Variants in ANKRD2 observed in about 807,000 individuals in gnomAD.
ANKRD2 encodes the protein ankyrin repeat domain-containing protein 2.
Under a neutral mutation model 37.3 loss-of-function variants are expected in ANKRD2, and 35 were observed. That is an observed-to-expected ratio of 0.94 (90% CI 0.72 to 1.24). The LOEUF is 1.24. ANKRD2 is among the 50% of genes most tolerant of loss of function. The pLI is 0.00. For missense variants in ANKRD2, 410 were observed against 445.6 expected, an observed-to-expected ratio of 0.92 and a Z score of 0.72; for synonymous variants, 159 against 186.5, an observed-to-expected ratio of 0.85 and a Z score of 1.20.
Position 97,578,484 on chromosome 10 carries a change from G to A in ANKRD2, c.349-14G>A, listed in dbSNP as rs1257754233. ...TGCTGGGACGGCCCGTGACTGCTGC[G>A]TCCACATCTGCAGACTGGCCCTGTG... On this transcript the variant is annotated splice_polypyrimidine_tract_variant and intron_variant, in intron 3 of 8. Coordinates refer to ENST00000370655, the MANE Select transcript of ANKRD2 (RefSeq NM_001346793.2). The A allele has an allele frequency of 7.5e-6, 12 of 1,590,888 alleles. No homozygotes were observed. The highest frequency in any genetic ancestry group is 3.6e-5 in the Admixed American group (2 of 55,502).
chr10:97,572,636 C>T, upstream of ANKRD2: 1 of 1,513,564 alleles, frequency 6.6e-7, no homozygotes, highest in Non-Finnish European at 8.9e-7. Flanking sequence ...CTGGCTCCCC[C>T]TGCTCCCTGG....
At chr10:97,582,546 C>T (rs930657384) in intron 7 of ANKRD2, 58 bp from the exon 8 acceptor site, 72 of 1,584,400 alleles carry the variant, frequency 4.5e-5, no homozygotes, top group Non-Finnish European at 5.7e-5. Flanking sequence ...CACCTCCCAT[C>T]ACCCTTGCCT....
chr10:97,578,144 G>GGCCCCCCCCCCCC, intron 2 of ANKRD2, 96 bp from the exon 3 acceptor site: 5 of 685,436 alleles, frequency 7.3e-6, no homozygotes, highest in East Asian at 2.7e-5. Flanking sequence ...GGGTCTTCCT[G>GGCCCCCCCCCCCC]CCCACCCCAC....
chr10:97,582,782 C>G, intron 8 of ANKRD2, 80 bp downstream of exon 8: 2 of 1,319,426 alleles, frequency 1.5e-6, no homozygotes, highest in Non-Finnish European at 2.2e-6. Context: ...CCTGGAGCAG[C>G]CCCCGCCTAG....
At chr10:97,580,996 T>C (rs764447970) in intron 5 of ANKRD2, 43 bp downstream of exon 5, 1 of 1,519,942 alleles carries the variant, frequency 6.6e-7, no homozygotes, top group Non-Finnish European at 8.9e-7. Flanking sequence ...AGGAGGTGGG[T>C]CCAGCACTGA....
chr10:97,578,153 A>AC, intron 2 of ANKRD2, 87 bp from the exon 3 acceptor site: 5 of 218,902 alleles, frequency 2.3e-5, no homozygotes, highest in South Asian at 3.5e-5. Context: ...TGCCCACCCC[A>AC]CCCTCCCCAC....
At chr10:97,582,290 G>A in intron 6 of ANKRD2, 25 bp from the exon 7 acceptor site, 1 of 1,545,682 alleles carries the variant, frequency 6.5e-7, no homozygotes, top group Non-Finnish European at 8.8e-7. Flanking sequence ...CCGTCAACTA[G>A]CAGTTCCTGA....
chr10:97,578,949 C>T (rs57069102), intron 4 of ANKRD2, among the ~76,000 whole-genome samples: 3,676 of 152,238 alleles, frequency 0.024, 129 homozygotes, highest in African/African-American at 0.078. Context: ...GTGGCTGGGT[C>T]GGTGCCCTCT....
In ANKRD2 at chr10:97,580,851, A is replaced by T; in HGVS notation, c.457-4A>T. 6.2e-7 allele frequency: 1 copy of T among 1,608,564 alleles called. No individual in the cohort carries two copies. The highest frequency in any genetic ancestry group is 1.1e-5 in the South Asian group (1 of 89,902). ...CCAGGCCCTGACAGCCTCTCTGGGG[A>T]CAGTTCCGTCGGACAGCACTGCACC... is the stretch of plus-strand genomic sequence containing the variant. On this transcript the variant is annotated splice_region_variant and splice_polypyrimidine_tract_variant and intron_variant, in intron 4 of 8. Transcript: ENST00000370655.
chr10:97,582,823 A>G (rs2135708407), intron 8 of ANKRD2, 121 bp downstream of exon 8: 2 of 799,826 alleles, frequency 2.5e-6, no homozygotes, highest in Non-Finnish European at 4.2e-6. Context: ...GGCCAGCACC[A>G]TAGTACATAA....
intron 1 of ANKRD2, among the ~76,000 whole-genome samples, chr10:97,574,932 G>A (rs953318377): frequency 5.4e-5 from 8 of 148,332 alleles, no homozygotes; most frequent in African/African-American, 2.1e-4. Context: ...AGGGGACGCA[G>A]AGCAGTGTCT....
intron 1 of ANKRD2, among the ~76,000 whole-genome samples, chr10:97,575,477 G>A (rs1479515143): frequency 2.6e-5 from 4 of 152,198 alleles, no homozygotes; most frequent in Admixed American, 2.6e-4. Flanking sequence ...CACAGATGCT[G>A]GGGACACCAA....
chr10:97,580,642 T>TG (rs1272208387), intron 4 of ANKRD2, among the ~76,000 whole-genome samples: 3 of 152,092 alleles, frequency 2.0e-5, no homozygotes, highest in South Asian at 2.1e-4. Context: ...TTGATGTGCC[T>TG]GGGGGGCAGT....
At chr10:97,578,112 CT>C (rs1340459806) in intron 2 of ANKRD2, 127 bp from the exon 3 acceptor site, 7 of 1,265,952 alleles carry the variant, frequency 5.5e-6, no homozygotes, top group Non-Finnish European at 7.5e-6. Flanking sequence ...AGGGATAGAC[CT>C]TGGTTCCTTC....
Position 97,583,746 on chromosome 10 carries a change from A to AGCTACCCAGCCC in ANKRD2, c.*22_*33dup. The AGCTACCCAGCCC allele has an allele frequency of 6.7e-7, 1 of 1,492,538 alleles. No homozygotes were observed. Among genetic ancestry groups the AGCTACCCAGCCC allele is most frequent in the African/African-American group, 1.4e-5 (1 of 69,232 alleles). 92.5% of individuals were successfully genotyped at this position (1,492,538 alleles called of 1,614,324 possible). A position where few individuals can be genotyped will look rare whatever the true frequency, so the allele number is the denominator to read the frequency against. On this transcript the variant is annotated 3_prime_UTR_variant, in exon 9 of 9. Coordinates refer to ENST00000370655, the MANE Select transcript of ANKRD2 (RefSeq NM_001346793.2). ...AGTGAATGCGTGCCCCAGCCCAGCC[A>AGCTACCCAGCCC]GCTACCCAGCCCCTCTCTGTGTGCA...
intron 2 of ANKRD2, 72 bp from the exon 3 acceptor site, chr10:97,578,165 AGCT>A: frequency 7.6e-6 from 2 of 261,836 alleles, no homozygotes; most frequent in Admixed American, 4.7e-5. Context: ...CCTCCCCACC[AGCT>A]TAGCTCAGAG....
intron 4 of ANKRD2, 67 bp downstream of exon 4, chr10:97,578,672 G>A (rs1357265764): frequency 1.6e-6 from 2 of 1,270,866 alleles, no homozygotes; most frequent in Admixed American, 2.2e-5. Context: ...TTCGGCTCCT[G>A]GGTCAGCCCA....
At chr10:97,578,144 G>GGGCCCCCCCCCCC in intron 2 of ANKRD2, 96 bp from the exon 3 acceptor site, 3 of 685,436 alleles carry the variant, frequency 4.4e-6, no homozygotes, top group Admixed American at 2.6e-5. Context: ...GGGTCTTCCT[G>GGGCCCCCCCCCCC]CCCACCCCAC....
intron 6 of ANKRD2, among the ~76,000 whole-genome samples, chr10:97,581,898 C>G (rs528312696): frequency 8.5e-5 from 13 of 152,186 alleles, no homozygotes; most frequent in Non-Finnish European, 1.9e-4. Context: ...GCTTCTGTTG[C>G]TCATCTGTGA....
Sources: allele counts gnomAD v4.1 joint callset (sites outside exome capture counted in the v4.1 genomes callset), GRCh38; gene constraint gnomAD v4.1.1; transcripts MANE v1.5; gene names NCBI Gene and HGNC (gene_info 2026-07-23, HGNC 2026-07-21).